The following ZCCHC7 variants were observed in gnomAD, a reference collection of about 807,000 sequenced individuals.
ZCCHC7 encodes zinc finger CCHC-type containing 7.
In ZCCHC7, 35 loss-of-function variants were observed where a neutral mutation model predicts 52.0. The observed-to-expected ratio is 0.67, with a 90% CI of 0.51 to 0.89. ZCCHC7 has a LOEUF of 0.89. Among genes scored for constraint, ZCCHC7 ranks in the 40% least tolerant of loss-of-function variants. ZCCHC7 has a pLI of 0.00. For synonymous variants in ZCCHC7, 217 were observed against 221.5 expected, an observed-to-expected ratio of 0.98 and a Z score of 0.18; for missense variants, 574 against 649.1, an observed-to-expected ratio of 0.88 and a Z score of 1.26.
intron 2 of ZCCHC7, among the ~76,000 whole-genome samples, chr9:37,240,164 C>CA (rs1825817538): frequency 6.6e-6 from 1 of 151,988 alleles, no homozygotes; most frequent in African/African-American, 2.4e-5. Flanking sequence ...ATAAGTGACT[C>CA]ATTTTGTGAA....
chr9:37,302,451 C>G (rs1336067850), intron 3 of ZCCHC7, among the ~76,000 whole-genome samples: 1 of 152,176 alleles, frequency 6.6e-6, no homozygotes, highest in East Asian at 1.9e-4. Flanking sequence ...TTCTGTTTCT[C>G]TCCTGCGGTG....
chr9:37,239,754 A>C (rs555483313), intron 2 of ZCCHC7, among the ~76,000 whole-genome samples: 3 of 152,216 alleles, frequency 2.0e-5, no homozygotes, highest in African/African-American at 7.2e-5. Context: ...TTTCTACATC[A>C]TATAAACCTG....
At chr9:37,221,013 C>T (rs1014257268) in intron 2 of ZCCHC7, among the ~76,000 whole-genome samples, 1 of 152,146 alleles carries the variant, frequency 6.6e-6, no homozygotes, top group African/African-American at 2.4e-5. Context: ...GCTAAATAAC[C>T]TCCATGTGTA....
In ZCCHC7 at chr9:37,216,473, G is replaced by A. The variant is rs111346304; in HGVS notation, c.611-85715G>A. 4.8e-3 allele frequency among the ~76,000 whole-genome samples: 726 copies of A among 152,164 alleles called. 3 individuals carry two copies. The highest frequency in any genetic ancestry group is 0.017 in the African/African-American group (687 of 41,500). ...GCGGATCACTTGAGGTCAGGTGATC[G>A]AGACCAGCCTGACCAACATGGTGAA... On this transcript the variant is annotated intron_variant, in intron 2 of 8. Coordinates refer to ENST00000336755, the MANE Select transcript of ZCCHC7 (RefSeq NM_032226.3).
At chr9:37,244,446 A>G (rs1002731461) in intron 2 of ZCCHC7, among the ~76,000 whole-genome samples, 3 of 151,940 alleles carry the variant, frequency 2.0e-5, no homozygotes, top group Admixed American at 1.3e-4. Flanking sequence ...TTATTTTATA[A>G]AACAGTTTAT....
chr9:37,172,104 T>C (rs1030101684), intron 2 of ZCCHC7, among the ~76,000 whole-genome samples: 1 of 152,196 alleles, frequency 6.6e-6, no homozygotes, highest in Admixed American at 6.5e-5. Context: ...GCTACCAAAT[T>C]GTCATTTTAA....
At chr9:37,323,450 AAGATGATTT>A (rs1830126900) in intron 5 of ZCCHC7, among the ~76,000 whole-genome samples, 1 of 152,170 alleles carries the variant, frequency 6.6e-6, no homozygotes, top group Non-Finnish European at 1.5e-5. Context: ...CTTGGGTGGA[AAGATGATTT>A]TATGAAGTCT....
intron 2 of ZCCHC7, among the ~76,000 whole-genome samples, chr9:37,131,603 C>T (rs1393116772): frequency 6.6e-6 from 1 of 152,128 alleles, no homozygotes; most frequent in Non-Finnish European, 1.5e-5. Flanking sequence ...CGAGATTGTG[C>T]AACTGCACTC....
intron 2 of ZCCHC7, among the ~76,000 whole-genome samples, chr9:37,131,026 A>C (rs1388423444): frequency 6.6e-6 from 1 of 151,458 alleles, no homozygotes; most frequent in Non-Finnish European, 1.5e-5. Context: ...CTATTACTTT[A>C]ATTTCAGTGA....
chr9:37,306,781 TTTTTTTTTTTTTTTTTTTTTTTTG>T (rs1829343801), intron 5 of ZCCHC7, among the ~76,000 whole-genome samples: 1 of 76,444 alleles, frequency 1.3e-5, no homozygotes, highest in Non-Finnish European at 2.4e-5. Flanking sequence ...TTTTTTTTTT[TTTTTTTTTTTTTTTTTTTTTTTTG>T]GAGACAGGGT....
chr9:37,354,811 A>G lies in ZCCHC7; in HGVS notation c.1185A>G (p.Lys395=). ...YEIQEREKRL[K]QKIKVLKKNG... ...TTCAGGAGAGAGAAAAGAGACTAAA[A>G]CAAAAAATAAAAGGTATGTTGCTAG... is the stretch of plus-strand genomic sequence containing the variant. Residue 395 remains lysine (K), a synonymous_variant, in exon 8 of 9, where the codon AAA becomes AAG. Transcript: ENST00000336755. The surrounding 1 kb of genome is among the most constrained non-coding windows in gnomAD (Gnocchi z 4.0). 1 of 1,602,892 alleles carries G rather than the reference A, an allele frequency of 6.2e-7. No individual in the cohort carries two copies. Among genetic ancestry groups the G allele is most frequent in the Non-Finnish European group, 8.5e-7 (1 of 1,171,400 alleles).
At chr9:37,251,668 C>CG (rs1826336025) in intron 2 of ZCCHC7, among the ~76,000 whole-genome samples, 3 of 152,186 alleles carry the variant, frequency 2.0e-5, no homozygotes, top group Admixed American at 1.3e-4. Flanking sequence ...TTCAGAGTGA[C>CG]GGGCCCACAG....
At chr9:37,165,199 A>G (rs1355823435) in intron 2 of ZCCHC7, among the ~76,000 whole-genome samples, 1 of 152,114 alleles carries the variant, frequency 6.6e-6, no homozygotes, top group Non-Finnish European at 1.5e-5. Flanking sequence ...GAAATCACTT[A>G]CTAGTTCTAG....
intron 2 of ZCCHC7, among the ~76,000 whole-genome samples, chr9:37,166,556 CTT>C (rs541100350): frequency 6.6e-6 from 1 of 151,524 alleles, no homozygotes; most frequent in Non-Finnish European, 1.5e-5. Flanking sequence ...ACTTTTTAAA[CTT>C]TTTTTATTTT....
intron 2 of ZCCHC7, among the ~76,000 whole-genome samples, chr9:37,153,741 GTTTC>G (rs1026681250): frequency 1.3e-5 from 2 of 151,544 alleles, no homozygotes; most frequent in African/African-American, 4.9e-5. Context: ...CGCTCATCTT[GTTTC>G]TTTCTTTCCC....
rs80043124 is a variant in ZCCHC7 at position 37,340,408 on chromosome 9, CAA to C, written c.988-8937_988-8936del. Among the ~76,000 whole-genome samples the C allele has an allele frequency of 3.1e-3, 421 of 136,464 alleles. 2 individuals are homozygous for C. Among genetic ancestry groups the C allele is most frequent in the African/African-American group, 8.5e-3 (330 of 38,670 alleles). 89.5% of individuals were successfully genotyped at this position (136,464 alleles called of 152,430 possible). A position where few individuals can be genotyped will look rare whatever the true frequency, so the allele number is the denominator to read the frequency against. On this transcript the variant is annotated intron_variant, in intron 6 of 8. Coordinates refer to ENST00000336755, the MANE Select transcript of ZCCHC7 (RefSeq NM_032226.3). ...TATAGATTATTTAAATGTCTGCAAC[CAA>C]AAAAAAAAAAAGAAATACAAAAGGC...
At chr9:37,323,795 C>CA (rs1830140017) in intron 5 of ZCCHC7, among the ~76,000 whole-genome samples, 1 of 152,040 alleles carries the variant, frequency 6.6e-6, no homozygotes, top group South Asian at 2.1e-4. Flanking sequence ...CACGTATACT[C>CA]AAAGTATATG....
intron 2 of ZCCHC7, among the ~76,000 whole-genome samples, chr9:37,185,000 T>C (rs1262546495): frequency 1.3e-5 from 2 of 152,196 alleles, no homozygotes; most frequent in African/African-American, 4.8e-5. Flanking sequence ...GATTTCCACC[T>C]ACCTGATTTC....
At chr9:37,329,295 T>C (rs1830364401) in intron 6 of ZCCHC7, among the ~76,000 whole-genome samples, 1 of 151,760 alleles carries the variant, frequency 6.6e-6, no homozygotes, top group African/African-American at 2.4e-5. Context: ...AGTTAAAGGG[T>C]AAAAATTTGT....
Sources: allele counts gnomAD v4.1 joint callset (sites outside exome capture counted in the v4.1 genomes callset), GRCh38; gene constraint gnomAD v4.1.1; non-coding constraint Gnocchi (gnomAD v3.1); transcripts MANE v1.5; gene names NCBI Gene and HGNC (gene_info 2026-07-23, HGNC 2026-07-21).